OR2L13: variants seen among roughly 807,000 people sequenced by gnomAD.
OR2L13 encodes olfactory receptor 2L13.
In OR2L13, 14 loss-of-function variants were observed where a neutral mutation model predicts 15.3. The ratio of observed to expected loss-of-function variants is 0.91; its 90% confidence interval spans 0.60 to 1.43. The LOEUF (loss-of-function observed/expected upper bound fraction) is 1.43. OR2L13 is among the 40% of genes most tolerant of loss of function. OR2L13 has a pLI of 0.00. For synonymous variants in OR2L13, 152 were observed against 142.9 expected (o/e 1.06, Z -0.45); for missense variants, 367 against 387.9 (o/e 0.95, Z 0.45).
At chr1:248,044,809 CAAAAAAAAAAAAAAA>C in the OR2L13 span, among the ~76,000 whole-genome samples, 13 of 8,130 alleles carry the variant, frequency 1.6e-3, no homozygotes, top group South Asian at 5.0e-3. Flanking sequence ...AACTCCGTCT[CAAAAAAAAAAAAAAA>C]AAAAAAAAAA....
chr1:248,060,898 A>G, the OR2L13 span: 2 of 1,613,876 alleles, frequency 1.2e-6, no homozygotes, highest in East Asian at 2.2e-5. Flanking sequence ...CCTAAATTAC[A>G]TCTCCACCAT....
the OR2L13 span, among the ~76,000 whole-genome samples, chr1:248,007,309 G>A: frequency 7.2e-5 from 11 of 152,248 alleles, no homozygotes; most frequent in Non-Finnish European, 1.2e-4. Flanking sequence ...GAGATAAAGA[G>A]GTCATCAGTG....
chr1:248,026,528 C>G, the OR2L13 span, among the ~76,000 whole-genome samples: 7 of 152,316 alleles, frequency 4.6e-5, no homozygotes, highest in African/African-American at 1.7e-4. Context: ...GTCCTTCAAT[C>G]CAGACTGGCT....
the OR2L13 span, among the ~76,000 whole-genome samples, chr1:247,984,958 A>G: frequency 1.3e-5 from 2 of 152,154 alleles, no homozygotes; most frequent in African/African-American, 4.8e-5. Context: ...TACTCTGGGT[A>G]CTTCATGTAG....
the OR2L13 span, among the ~76,000 whole-genome samples, chr1:247,970,706 C>T: frequency 1.3e-5 from 2 of 152,114 alleles, no homozygotes; most frequent in African/African-American, 2.4e-5. Flanking sequence ...CTAGGTGAGT[C>T]ACTAGGAGAT....
chr1:248,085,418 T>TA, the OR2L13 span, among the ~76,000 whole-genome samples: 1 of 27,590 alleles, frequency 3.6e-5, no homozygotes, highest in Non-Finnish European at 1.5e-4. Context: ...TAAAATAAAA[T>TA]AATAAAATAA....
At chr1:248,020,290 C>G in the OR2L13 span, among the ~76,000 whole-genome samples, 3 of 152,272 alleles carry the variant, frequency 2.0e-5, no homozygotes, top group East Asian at 3.9e-4. Flanking sequence ...AAAACTGTCG[C>G]TGTTTGCTGA....
the OR2L13 span, among the ~76,000 whole-genome samples, chr1:248,043,443 T>C: frequency 6.6e-6 from 1 of 152,184 alleles, no homozygotes; most frequent in Admixed American, 6.5e-5. Context: ...GAGAAGTTTG[T>C]TATATGCATG....
chr1:248,015,812 T>C, the OR2L13 span, among the ~76,000 whole-genome samples: 1 of 152,204 alleles, frequency 6.6e-6, no homozygotes, highest in Non-Finnish European at 1.5e-5. Flanking sequence ...CCTATGCAAA[T>C]GATCATACCA....
chr1:248,091,168 T>C (rs1664588277), upstream of OR2L13, among the ~76,000 whole-genome samples: 1 of 152,178 alleles, frequency 6.6e-6, no homozygotes, highest in South Asian at 2.1e-4. Context: ...AATTTCTTTA[T>C]AGATTTTGGA....
chr1:248,050,187 C>T, the OR2L13 span, among the ~76,000 whole-genome samples: 119 of 151,722 alleles, frequency 7.8e-4, no homozygotes, highest in African/African-American at 2.8e-3. Flanking sequence ...AAATAGTGAC[C>T]AGGACTTTTT....
chr1:248,031,397 G>A, the OR2L13 span, among the ~76,000 whole-genome samples: 1 of 152,186 alleles, frequency 6.6e-6, no homozygotes, highest in African/African-American at 2.4e-5. Flanking sequence ...AGCAAGGTCT[G>A]GTAGAAAGAA....
the OR2L13 span, among the ~76,000 whole-genome samples, chr1:248,068,250 G>A: frequency 1.3e-5 from 2 of 152,114 alleles, no homozygotes; most frequent in South Asian, 2.1e-4. Context: ...GCACCCCCCA[G>A]TAGGGGCAGA....
the OR2L13 span, chr1:248,062,682 T>A: frequency 2.6e-5 from 4 of 151,862 alleles, no homozygotes; most frequent in Admixed American, 2.6e-4. Context: ...TAGTAAACAA[T>A]AATTTATTGT....
chr1:248,068,541 GA>G, the OR2L13 span, among the ~76,000 whole-genome samples: 1 of 152,164 alleles, frequency 6.6e-6, no homozygotes, highest in Non-Finnish European at 1.5e-5. Flanking sequence ...AAACAGAGCA[GA>G]AAAACTGGAA....
the OR2L13 span, among the ~76,000 whole-genome samples, chr1:248,069,142 C>T: frequency 7.9e-4 from 120 of 152,044 alleles, no homozygotes; most frequent in African/African-American, 2.7e-3. Context: ...AGATACTCCT[C>T]GAGAAGAGCA....
At chr1:247,979,463 C>T in the OR2L13 span, among the ~76,000 whole-genome samples, 1 of 152,116 alleles carries the variant, frequency 6.6e-6, no homozygotes, top group Non-Finnish European at 1.5e-5. Context: ...TTTCCAGCTT[C>T]GTCCATGTCC....
the OR2L13 span, among the ~76,000 whole-genome samples, chr1:247,944,840 A>C: frequency 6.6e-6 from 1 of 152,074 alleles, no homozygotes; most frequent in Admixed American, 6.6e-5. Context: ...CTGTGGGATC[A>C]ATGGTGGTAT....
the OR2L13 span, chr1:248,061,564 G>T: frequency 1.9e-6 from 3 of 1,613,742 alleles, no homozygotes; most frequent in South Asian, 2.2e-5. Context: ...GAGGAACAAG[G>T]AGGTGATGGG....
Sources: allele counts gnomAD v4.1 joint callset (sites outside exome capture counted in the v4.1 genomes callset), GRCh38; gene constraint gnomAD v4.1.1; transcripts MANE v1.5; gene names NCBI Gene and HGNC (gene_info 2026-07-23, HGNC 2026-07-21).